Variants in WNK2 observed in about 807,000 individuals in gnomAD.
WNK2 encodes serine/threonine-protein kinase WNK2.
In WNK2, 67 loss-of-function variants were observed where a neutral mutation model predicts 192.1. The ratio of observed to expected loss-of-function variants is 0.35; its 90% CI spans 0.29 to 0.43. WNK2 has a LOEUF of 0.43. WNK2 is among the 20% of genes least tolerant of loss of function. The pLI, the probability that WNK2 is intolerant of heterozygous loss-of-function variation, is 1.00. For missense variants in WNK2, 2,698 were observed against 3,089.7 expected, an observed-to-expected ratio of 0.87 and a Z score of 3.01; for synonymous variants, 1,439 against 1,393.9, an observed-to-expected ratio of 1.03 and a Z score of -0.72.
chr9:93,318,491 A>G, intron 29 of WNK2: 1 of 1,614,140 alleles, frequency 6.2e-7, no homozygotes, highest in Non-Finnish European at 8.5e-7. Context: ...GCGCTGGGCC[A>G]TGAGAAATCC....
At position 93,317,668 on chromosome 9, in the gene WNK2, C is replaced by T. The variant is rs78554888; in HGVS notation, c.6628+37C>T. ...TCCAACCTCCCAACCCCACCCTGTG[C>T]GCTGCCTCTGGGTCAGTACAGAGGC... On this transcript the variant is annotated intron_variant, in intron 29 of 29. Coordinates refer to ENST00000427277, the MANE Select transcript of WNK2 (RefSeq NM_006648.4). 2.2e-3 allele frequency: 3,434 copies of T among 1,595,082 alleles called. 44 individuals are homozygous for T. The African/African-American group carries it at 0.029, about 14-fold the overall frequency.
intron 2 of WNK2, among the ~76,000 whole-genome samples, chr9:93,186,643 G>C (rs1587712839): frequency 6.6e-6 from 1 of 152,218 alleles, no homozygotes; most frequent in African/African-American, 2.4e-5. Context: ...GCCACACTGC[G>C]GGACTCTTGC....
intron 21 of WNK2, among the ~76,000 whole-genome samples, chr9:93,290,440 G>C (rs1257400527): frequency 1.3e-5 from 2 of 151,748 alleles, no homozygotes; most frequent in Admixed American, 1.3e-4. Context: ...GAAGCCAAAA[G>C]ACTGGATGCC....
In WNK2 at chr9:93,259,744, T is replaced by G; in HGVS notation, c.3066+130T>G. The G allele has an allele frequency of 1.2e-6, 1 of 865,100 alleles. No individual in the cohort carries two copies. 53.6% of individuals were successfully genotyped at this position (865,100 alleles called of 1,614,324 possible). On this transcript the variant is annotated intron_variant, in intron 12 of 29. Coordinates refer to ENST00000427277, the MANE Select transcript of WNK2 (RefSeq NM_006648.4). The surrounding 1 kb of genome is among the most constrained non-coding windows in gnomAD (Gnocchi z 4.8). ...GGGTCGCCCCTCTCAGGAAGAGATG[T>G]GTGTGAGGCTGAGGGAGGCGGGGGC... is the stretch of plus-strand genomic sequence containing the variant.
intron 29 of WNK2, among the ~76,000 whole-genome samples, 166 bp from the exon 30 acceptor site, chr9:93,320,201 G>A (rs1012542023): frequency 7.9e-5 from 12 of 151,972 alleles, no homozygotes; most frequent in Non-Finnish European, 1.5e-4. Context: ...GACAGAGGCC[G>A]CCAGGGCTGT....
At chr9:93,218,893 A>G (rs1164282878) in intron 2 of WNK2, among the ~76,000 whole-genome samples, 1 of 152,166 alleles carries the variant, frequency 6.6e-6, no homozygotes, top group African/African-American at 2.4e-5. Flanking sequence ...CCGAAGGAGA[A>G]CAGACGGGCG....
At chr9:93,214,437 GGGATTACA>G (rs908822324) in intron 2 of WNK2, among the ~76,000 whole-genome samples, 18 of 152,206 alleles carry the variant, frequency 1.2e-4, no homozygotes, top group African/African-American at 4.1e-4. Flanking sequence ...CCAAGTAGCT[GGGATTACA>G]GGTGCATGCC....
intron 2 of WNK2, among the ~76,000 whole-genome samples, chr9:93,192,175 G>A (rs1312330515): frequency 2.6e-5 from 4 of 151,528 alleles, no homozygotes; most frequent in Non-Finnish European, 5.9e-5. Context: ...TTAGCTGGGC[G>A]TGGTGGCAGG....
In WNK2 at chr9:93,257,001, C is replaced by G. The variant is rs754878750; in HGVS notation, c.2244C>G (p.Pro748=). The G allele has an allele frequency of 1.0e-5, 16 of 1,599,374 alleles. No homozygotes were observed. The highest frequency in any genetic ancestry group is 1.4e-5 in the Non-Finnish European group (16 of 1,176,582). ...TPLPQVLAPQ[P]VVPLQPVPPH... ...TGCCGCAGGTCCTGGCCCCACAGCC[C>G]GTGGTCCCCCTCCAGCCGGTTCCCC... The change falls in exon 11 of 30, where the codon CCC becomes CCG. Residue 748 remains proline, a synonymous_variant. Coordinates refer to ENST00000427277, the MANE Select transcript of WNK2 (RefSeq NM_006648.4). The surrounding 1 kb of genome is among the most constrained non-coding windows in gnomAD (Gnocchi z 4.7).
intron 2 of WNK2, among the ~76,000 whole-genome samples, chr9:93,211,310 T>A (rs62646620): frequency 2.7e-5 from 4 of 149,154 alleles, no homozygotes; most frequent in Admixed American, 6.7e-5. Context: ...ACTCATTCAC[T>A]CACTCATCCA....
In WNK2 at chr9:93,288,587, C is replaced by A. The variant is rs926910195; in HGVS notation, c.4034-201C>A. Among the ~76,000 whole-genome samples, 4 of 152,174 alleles carry A rather than the reference C, an allele frequency of 2.6e-5. No homozygotes were observed. In the East Asian group the frequency reaches 7.7e-4, roughly 29 times the overall value. Reference sequence around the variant, plus strand: ...AGTTGCGAAGCTGGTGGCTCAGAGACCTGTGGGAGGCGTTACAGGAAGCAG... The same window carrying A: ...AGTTGCGAAGCTGGTGGCTCAGAGAACTGTGGGAGGCGTTACAGGAAGCAG... On this transcript the variant is annotated intron_variant, in intron 19 of 29. Transcript: ENST00000427277.
rs189785330 is a variant in WNK2 at position 93,269,330 on chromosome 9, C to G, written c.4033+584C>G. Among the ~76,000 whole-genome samples, 126 of 152,268 alleles carry G rather than the reference C, an allele frequency of 8.3e-4. 1 individual carries two copies. The highest frequency in any genetic ancestry group is 2.8e-3 in the African/African-American group (116 of 41,542). On this transcript the variant is annotated intron_variant, in intron 19 of 29. Transcript: ENST00000427277. ...ACTTGAACAAATTTAAGGTTTAATT[C>G]CTTACCAGTTGGCAGGGGAAAGTTA...
intron 2 of WNK2, among the ~76,000 whole-genome samples, chr9:93,202,664 A>G (rs1832670441): frequency 6.6e-6 from 1 of 151,382 alleles, no homozygotes; most frequent in Middle Eastern, 3.2e-3. Flanking sequence ...GGCAGGTGGC[A>G]TGGTGGGGGC....
chr9:93,216,012 G>T (rs529067007), intron 2 of WNK2, among the ~76,000 whole-genome samples: 41 of 152,268 alleles, frequency 2.7e-4, no homozygotes, highest in Admixed American at 7.2e-4. Flanking sequence ...TATTAACCCC[G>T]TCTGGAATTG....
At chr9:93,316,230 A>T (rs1854640122) in intron 28 of WNK2, 3 of 152,226 alleles carry the variant, frequency 2.0e-5, no homozygotes, top group African/African-American at 7.2e-5. Context: ...AAAGACTTTC[A>T]GTGTTGATCT....
chr9:93,199,512 C>T (rs1416227196), intron 2 of WNK2, among the ~76,000 whole-genome samples: 2 of 152,230 alleles, frequency 1.3e-5, no homozygotes, highest in African/African-American at 4.8e-5. Context: ...AGGCTGTTGA[C>T]ATCTGCCCGG....
intron 27 of WNK2, 32 bp downstream of exon 27, chr9:93,306,853 C>T (rs765701107): frequency 1.2e-6 from 2 of 1,614,002 alleles, no homozygotes; most frequent in Non-Finnish European, 1.7e-6. Flanking sequence ...CCTTTGTCCT[C>T]TCTCATCGCA....
intron 14 of WNK2, chr9:93,263,273 G>C (rs1326893509): frequency 2.0e-6 from 1 of 506,956 alleles, no homozygotes; most frequent in Non-Finnish European, 3.6e-6. Context: ...CACAGATGGG[G>C]AAACTGAGGC....
At position 93,289,735 on chromosome 9, in the gene WNK2, C is replaced by A. The variant is rs968686429; in HGVS notation, c.4866+115C>A. 8.0e-6 allele frequency: 9 copies of A among 1,128,620 alleles called. No homozygotes were observed. In the East Asian group the frequency reaches 2.1e-4, roughly 26 times the overall value. 69.9% of individuals were successfully genotyped at this position (1,128,620 alleles called of 1,614,324 possible). On this transcript the variant is annotated intron_variant, in intron 20 of 29. Transcript: ENST00000427277. ...TGCAGAGCCGCCCTCACTCAGGGCC[C>A]GTCCCTCTCTTGGTGACCCACCCAC...
Sources: gnomAD v4.1 joint callset for allele counts (sites outside exome capture counted in the v4.1 genomes callset) on GRCh38, gnomAD v4.1.1 for gene constraint, Gnocchi (gnomAD v3.1) non-coding constraint, MANE v1.5 for transcripts, NCBI Gene and HGNC (gene_info 2026-07-23, HGNC 2026-07-21) for gene names.